TBC1D19: variants seen among roughly 807,000 people sequenced by gnomAD.
TBC1D19 encodes the protein TBC1 domain family member 19.
TBC1D19 carries 60 observed loss-of-function variants against 89.0 expected under a neutral mutation model. The observed-to-expected ratio is 0.67, with a 90% CI of 0.55 to 0.84. The LOEUF (loss-of-function observed/expected upper bound fraction) is 0.84. Ranked by LOEUF, TBC1D19 falls within the 40% of genes least tolerant of loss-of-function variation. TBC1D19 has a pLI of 0.00. For missense variants in TBC1D19, 500 were observed against 610.8 expected (o/e 0.82, Z 1.91); for synonymous variants, 189 against 199.7 (o/e 0.95, Z 0.45).
At chr4:26,615,493 T>C (rs1741629943) in intron 3 of TBC1D19, among the ~76,000 whole-genome samples, 1 of 151,888 alleles carries the variant, frequency 6.6e-6, no homozygotes, top group Non-Finnish European at 1.5e-5. Context: ...ACTGTATTTA[T>C]GTCTGTAGCA....
intron 1 of TBC1D19, among the ~76,000 whole-genome samples, chr4:26,586,171 C>CTTT (rs57229787): frequency 1.9e-4 from 10 of 52,234 alleles, no homozygotes; most frequent in African/African-American, 3.1e-4. Flanking sequence ...GCAAGGTAAG[C>CTTT]TTTTTTTTTT....
At chr4:26,646,710 A>G (rs1406622600) in intron 7 of TBC1D19, among the ~76,000 whole-genome samples, 3 of 152,184 alleles carry the variant, frequency 2.0e-5, no homozygotes, top group African/African-American at 7.2e-5. Flanking sequence ...AGAAAACCAA[A>G]CACTGCATGT....
chr4:26,761,169 A>G (rs553814661), downstream of TBC1D19, among the ~76,000 whole-genome samples: 43 of 152,206 alleles, frequency 2.8e-4, no homozygotes, highest in Non-Finnish European at 5.9e-4. Flanking sequence ...ACGTATGTTA[A>G]AACTATTTGG....
the TBC1D19 span, among the ~76,000 whole-genome samples, chr4:26,836,647 G>A: frequency 5.3e-5 from 8 of 152,220 alleles, no homozygotes; most frequent in South Asian, 2.1e-4. Flanking sequence ...TCCTGCTCTA[G>A]TTTTGAGAGT....
chr4:26,694,037 T>C (rs975486010), intron 13 of TBC1D19, among the ~76,000 whole-genome samples: 1 of 151,988 alleles, frequency 6.6e-6, no homozygotes, highest in Non-Finnish European at 1.5e-5. Context: ...CTGGGGCTCG[T>C]CGAACAGTGG....
intron 2 of TBC1D19, among the ~76,000 whole-genome samples, chr4:26,613,849 G>C (rs892376094): frequency 5.3e-5 from 8 of 152,112 alleles, no homozygotes; most frequent in African/African-American, 1.9e-4. Context: ...TTTTCATAGA[G>C]CAAGAGGAGA....
chr4:26,584,085 G>T lies in TBC1D19; in HGVS notation c.-109G>T. The T allele has an allele frequency of 9.2e-7, 1 of 1,087,184 alleles. No individual in the cohort carries two copies. The highest frequency in any genetic ancestry group is 1.6e-5 in the African/African-American group (1 of 64,330). 67.3% of individuals were successfully genotyped at this position (1,087,184 alleles called of 1,614,324 possible). On this transcript the variant is annotated 5_prime_UTR_variant, in exon 1 of 21. Coordinates refer to ENST00000264866, the MANE Select transcript of TBC1D19 (RefSeq NM_018317.4). ...GGTAACGCCCGCTGGAGGAGTCCCA[G>T]TGTAATAAGGTCCCGGAGAAGTGTC...
chr4:26,841,502 G>A, the TBC1D19 span, among the ~76,000 whole-genome samples: 11 of 152,094 alleles, frequency 7.2e-5, no homozygotes, highest in African/African-American at 2.2e-4. Context: ...TTGCCCATCT[G>A]CTATGGGCTG....
intron 20 of TBC1D19, 54 bp downstream of exon 20, chr4:26,753,944 G>A: frequency 6.2e-7 from 1 of 1,602,034 alleles, no homozygotes; most frequent in South Asian, 1.1e-5. Context: ...GAGATTGCCA[G>A]GCTGTCATTT....
At chr4:26,723,754 A>G (rs11937465) in intron 15 of TBC1D19, among the ~76,000 whole-genome samples, 40 of 152,062 alleles carry the variant, frequency 2.6e-4, no homozygotes, top group African/African-American at 9.6e-4. Flanking sequence ...CATTTGATAA[A>G]TATTTATTTA....
At chr4:26,837,819 G>T in the TBC1D19 span, among the ~76,000 whole-genome samples, 2 of 152,116 alleles carry the variant, frequency 1.3e-5, no homozygotes, top group African/African-American at 2.4e-5. Context: ...GTAAGAGAAA[G>T]GCTGGTTAGA....
intron 2 of TBC1D19, among the ~76,000 whole-genome samples, chr4:26,613,671 T>C (rs1251257413): frequency 1.3e-5 from 2 of 152,190 alleles, no homozygotes; most frequent in African/African-American, 4.8e-5. Context: ...AAGACTCCTT[T>C]GCATTAGTTG....
At chr4:26,854,528 C>G in the TBC1D19 span, among the ~76,000 whole-genome samples, 8 of 152,278 alleles carry the variant, frequency 5.3e-5, no homozygotes, top group East Asian at 1.5e-3. Context: ...CTATTACTAT[C>G]CAGGAACTTT....
At chr4:26,649,563 GTC>G (rs1033716861) in intron 7 of TBC1D19, among the ~76,000 whole-genome samples, 4 of 152,044 alleles carry the variant, frequency 2.6e-5, no homozygotes, top group Non-Finnish European at 4.4e-5. Context: ...TCTACTTTTT[GTC>G]TCTATGAATT....
the TBC1D19 span, among the ~76,000 whole-genome samples, chr4:26,845,804 T>C: frequency 2.0e-5 from 3 of 152,176 alleles, no homozygotes; most frequent in Non-Finnish European, 4.4e-5. Context: ...GTGAAAAGGA[T>C]TTCTCCTTAT....
At chr4:26,688,147 A>T (rs1210684227) in intron 12 of TBC1D19, among the ~76,000 whole-genome samples, 198 bp from the exon 13 acceptor site, 2 of 152,194 alleles carry the variant, frequency 1.3e-5, no homozygotes, top group Non-Finnish European at 2.9e-5. Flanking sequence ...CTTAAAAAGT[A>T]TGAGGAATTC....
the TBC1D19 span, among the ~76,000 whole-genome samples, chr4:26,786,692 G>A: frequency 7.0e-6 from 1 of 142,228 alleles, no homozygotes; most frequent in South Asian, 2.4e-4. Flanking sequence ...TAGATAGCCA[G>A]TTGAAAGGAT....
chr4:26,679,237 C>G (rs1405604851), intron 11 of TBC1D19, among the ~76,000 whole-genome samples: 1 of 152,092 alleles, frequency 6.6e-6, no homozygotes, highest in African/African-American at 2.4e-5. Flanking sequence ...GTTTCCTGAG[C>G]CAAGCCCCGG....
chr4:26,725,034 G>C (rs139754350), intron 15 of TBC1D19, among the ~76,000 whole-genome samples: 9 of 152,282 alleles, frequency 5.9e-5, no homozygotes, highest in Non-Finnish European at 8.8e-5. Context: ...GCAATCTCCT[G>C]AGCCAGTCCC....
Sources: allele counts gnomAD v4.1 joint callset (sites outside exome capture counted in the v4.1 genomes callset), GRCh38; gene constraint gnomAD v4.1.1; transcripts MANE v1.5; gene names NCBI Gene and HGNC (gene_info 2026-07-23, HGNC 2026-07-21).